CDH6: variants seen among roughly 807,000 people sequenced by gnomAD.
CDH6 encodes the protein cadherin 6, also known as cadherin-6.
A neutral mutation model predicts 78.0 loss-of-function variants in CDH6; 31 were observed. That is an observed-to-expected ratio of 0.40 (90% CI 0.30 to 0.54). The LOEUF is 0.54. CDH6 is among the 20% of genes least tolerant of loss of function. CDH6 has a pLI of 0.56. For synonymous variants in CDH6, 376 were observed against 368.8 expected, an observed-to-expected ratio of 1.02 and a Z score of -0.23; for missense variants, 724 against 975.9, an observed-to-expected ratio of 0.74 and a Z score of 3.44.
chr5:31,212,620 T>C (rs1363637952), intron 1 of CDH6, among the ~76,000 whole-genome samples: 4 of 152,120 alleles, frequency 2.6e-5, no homozygotes, highest in Admixed American at 2.0e-4. Context: ...AGATGTAAAA[T>C]CTGTGAAGAA....
Position 31,323,469 on chromosome 5 carries a change from C to A in CDH6, c.*161C>A. 1 of 805,080 alleles carries A rather than the reference C, an allele frequency of 1.2e-6. No homozygotes were observed. Among genetic ancestry groups the A allele is most frequent in the Non-Finnish European group, 1.9e-6 (1 of 529,788 alleles). The allele number at this position is 805,080 out of a possible 1,614,324, so 49.9% of individuals were successfully genotyped here. A position where few individuals can be genotyped will look rare whatever the true frequency, so the allele number is the denominator to read the frequency against. On this transcript the variant is annotated 3_prime_UTR_variant, in exon 12 of 12. Transcript: ENST00000265071. ...CAATGTTAGAGACTTTTTTCTAGTACACTTTTATGAGCTTCCAAGGGGCAA... is the reference window on the plus strand; with the variant it reads ...CAATGTTAGAGACTTTTTTCTAGTAAACTTTTATGAGCTTCCAAGGGGCAA...
rs147622203 is a variant in CDH6 at position 31,291,611 on chromosome 5, G to A, written c.229-2351G>A. Among the ~76,000 whole-genome samples, 595 of 152,274 alleles carry A rather than the reference G, an allele frequency of 3.9e-3. 6 individuals are homozygous for A. Among genetic ancestry groups the A allele is most frequent in the African/African-American group, 0.013 (545 of 41,546 alleles). Reference sequence around the variant, plus strand: ...GCTCATGCCTAGGAACGTGCCCCCCGCACTGTGCCAGGCTGCTGACCACAG... The same window carrying A: ...GCTCATGCCTAGGAACGTGCCCCCCACACTGTGCCAGGCTGCTGACCACAG... On this transcript the variant is annotated intron_variant, in intron 2 of 11. Coordinates refer to ENST00000265071, the MANE Select transcript of CDH6 (RefSeq NM_004932.4).
intron 4 of CDH6, 46 bp from the exon 5 acceptor site, chr5:31,299,418 G>T (rs765445807): frequency 4.8e-6 from 7 of 1,462,566 alleles, no homozygotes; most frequent in Non-Finnish European, 6.7e-6. Context: ...ATTCCATAAA[G>T]TATTCTTAAT....
Position 31,327,318 on chromosome 5 carries a change from A to G in CDH6, c.*4010A>G, listed in dbSNP as rs1462377207. 1 of 191,494 alleles carries G rather than the reference A, an allele frequency of 5.2e-6. No individual in the cohort carries two copies. The highest frequency in any genetic ancestry group is 6.1e-5 in the Admixed American group (1 of 16,274). 11.9% of individuals were successfully genotyped at this position (191,494 alleles called of 1,614,324 possible). On this transcript the variant is annotated 3_prime_UTR_variant, in exon 12 of 12. Coordinates refer to ENST00000265071, the MANE Select transcript of CDH6 (RefSeq NM_004932.4). Reference sequence around the variant, plus strand: ...AGCTAAATTCATTTTCACCAGGAACAGACCACCAAATAAATTATTTTATCC... The same window carrying G: ...AGCTAAATTCATTTTCACCAGGAACGGACCACCAAATAAATTATTTTATCC...
intron 1 of CDH6, among the ~76,000 whole-genome samples, chr5:31,221,095 C>A (rs967130509): frequency 2.0e-5 from 3 of 152,094 alleles, no homozygotes; most frequent in Non-Finnish European, 4.4e-5. Context: ...GAGCAGAATT[C>A]GATTTAATAA....
chr5:31,238,703 G>T (rs1221537891), intron 1 of CDH6, among the ~76,000 whole-genome samples: 1 of 152,096 alleles, frequency 6.6e-6, no homozygotes, highest in African/African-American at 2.4e-5. Flanking sequence ...TCAAAATCTG[G>T]TGTGTATGTT....
At chr5:31,221,418 A>C (rs919391962) in intron 1 of CDH6, among the ~76,000 whole-genome samples, 5 of 152,238 alleles carry the variant, frequency 3.3e-5, no homozygotes, top group African/African-American at 4.8e-5. Context: ...AACACGCAAC[A>C]GCTCCAAGTA....
chr5:31,270,991 T>C (rs188154734), intron 2 of CDH6, among the ~76,000 whole-genome samples: 24 of 152,332 alleles, frequency 1.6e-4, no homozygotes, highest in Non-Finnish European at 2.1e-4. Context: ...ATAGAACCTT[T>C]AATCATGCCA....
At chr5:31,269,287 G>GAA (rs59935966) in intron 2 of CDH6, among the ~76,000 whole-genome samples, 13 of 45,248 alleles carry the variant, frequency 2.9e-4, no homozygotes, top group African/African-American at 5.9e-4. Context: ...AAAAAGCGGG[G>GAA]GGGGCAGGTT....
At chr5:31,280,690 G>C (rs1457717838) in intron 2 of CDH6, among the ~76,000 whole-genome samples, 1 of 152,014 alleles carries the variant, frequency 6.6e-6, no homozygotes, top group East Asian at 1.9e-4. Flanking sequence ...TTTCCCCAGC[G>C]GGGTCGTCAG....
Position 31,313,339 on chromosome 5 carries a change from A to G in CDH6, c.1275A>G (p.Thr425=). 1 of 1,613,024 alleles carries G rather than the reference A, an allele frequency of 6.2e-7. No individual in the cohort carries two copies. The highest frequency in any genetic ancestry group is 8.5e-7 in the Non-Finnish European group (1 of 1,179,232). ...TCAGGTACTCTGTAGATCGACACACAGATATGGACAGAATATTCAACATTG... is the reference window on the plus strand; with the variant it reads ...TCAGGTACTCTGTAGATCGACACACGGATATGGACAGAATATTCAACATTG... ...NPVKYSVDRH[T]DMDRIFNIDS... The change falls in exon 8 of 12, where the codon ACA becomes ACG. Residue 425 remains threonine (T), a synonymous_variant. Coordinates refer to ENST00000265071, the MANE Select transcript of CDH6 (RefSeq NM_004932.4).
chr5:31,210,790 T>A (rs1740682760), intron 1 of CDH6, among the ~76,000 whole-genome samples: 1 of 152,258 alleles, frequency 6.6e-6, no homozygotes. Context: ...TTTGTACTTG[T>A]ATTATTTTGT....
Position 31,299,591 on chromosome 5 carries a change from ACT to A in CDH6, c.772_773del (p.Leu258AspfsTer2), listed in dbSNP as rs1737705506. On this transcript the variant is annotated frameshift_variant, in exon 5 of 12. Transcript: ENST00000265071. LOFTEE classifies it high-confidence loss of function. The stretch of plus-strand genomic sequence containing the variant: ...CTGGGACCACCACCGTGAACATCAC[ACT>A]GACTGATGTCAACGACAACCCTCCC... ...LSGTTTVNIT[L>X]TDVNDNPPRF... 1 of 1,613,808 alleles carries A rather than the reference ACT, an allele frequency of 6.2e-7. No homozygotes were observed. Among genetic ancestry groups the A allele is most frequent in the African/African-American group, 1.3e-5 (1 of 74,930 alleles).
chr5:31,324,716 T>A lies in CDH6; in HGVS notation c.*1408T>A, dbSNP rs1469186196. 4.8e-6 allele frequency: 1 copy of A among 209,200 alleles called. No homozygotes were observed. The highest frequency in any genetic ancestry group is 9.7e-6 in the Non-Finnish European group (1 of 102,940). The allele number at this position is 209,200 out of a possible 1,614,324, so 13.0% of individuals were successfully genotyped here. ...AATGTAAAATCCATCCAATCTATTA[T>A]TTCTCTAATTATGCAATTAGCCTCA... is the stretch of plus-strand genomic sequence containing the variant. On this transcript the variant is annotated 3_prime_UTR_variant, in exon 12 of 12. Transcript: ENST00000265071.
intron 2 of CDH6, among the ~76,000 whole-genome samples, chr5:31,278,571 A>G (rs1308154572): frequency 1.3e-5 from 2 of 152,212 alleles, no homozygotes; most frequent in African/African-American, 4.8e-5. Flanking sequence ...ATTTTTCTTA[A>G]AATTGCTAAG....
chr5:31,199,697 A>C (rs1740292402), intron 1 of CDH6, among the ~76,000 whole-genome samples: 1 of 129,596 alleles, frequency 7.7e-6, no homozygotes, highest in Non-Finnish European at 1.6e-5. Context: ...ATATATATAT[A>C]TATATATATA....
chr5:31,252,328 G>GGT (rs5867065), intron 1 of CDH6, among the ~76,000 whole-genome samples: 4,979 of 148,996 alleles, frequency 0.033, 91 homozygotes, highest in South Asian at 0.073. Flanking sequence ...ATGTGTGTGT[G>GGT]GTGTGTGTGT....
chr5:31,316,701 C>A (rs560423759), intron 9 of CDH6, among the ~76,000 whole-genome samples: 1 of 152,214 alleles, frequency 6.6e-6, no homozygotes, highest in South Asian at 2.1e-4. Flanking sequence ...TTACATTGAC[C>A]ATCTGTGTAA....
intron 1 of CDH6, among the ~76,000 whole-genome samples, chr5:31,221,694 C>A (rs1251171720): frequency 6.6e-6 from 1 of 152,124 alleles, no homozygotes; most frequent in Admixed American, 6.6e-5. Context: ...TTTGCACAAG[C>A]TAACAAGCTT....
Sources: allele counts gnomAD v4.1 joint callset (sites outside exome capture counted in the v4.1 genomes callset), GRCh38; gene constraint gnomAD v4.1.1; transcripts MANE v1.5; gene names NCBI Gene and HGNC (gene_info 2026-07-23, HGNC 2026-07-21).